TENM1: variants seen among roughly 807,000 people sequenced by gnomAD.
TENM1 encodes the protein teneurin-1.
Under a neutral mutation model 174.8 loss-of-function variants are expected in TENM1, and 35 were observed. That is an observed-to-expected ratio of 0.20 (90% CI 0.15 to 0.27). The LOEUF is 0.27. TENM1 is among the 10% of genes least tolerant of loss of function. The pLI is 1.00. For synonymous variants in TENM1, 781 were observed against 798.7 expected (o/e 0.98, Z 0.37); for missense variants, 1,633 against 2,130.1 (o/e 0.77, Z 4.59).
At chrX:125,136,468 A>G in the TENM1 span, among the ~76,000 whole-genome samples, 1 of 112,118 alleles carries the variant, frequency 8.9e-6, no homozygotes, top group African/African-American at 3.2e-5. Context: ...TTCATGAAAG[A>G]GGAACCTGAG....
At chrX:125,183,628 C>T in the TENM1 span, among the ~76,000 whole-genome samples, 7 of 111,393 alleles carry the variant, frequency 6.3e-5, 1 homozygote, top group Admixed American at 6.7e-4. Context: ...AGCACAGCAG[C>T]ATCCCAAAGT....
intron 6 of TENM1, among the ~76,000 whole-genome samples, chrX:124,664,679 G>GGGGT (rs776187636): frequency 5.7e-5 from 5 of 86,970 alleles, no homozygotes; most frequent in African/African-American, 2.2e-4. Flanking sequence ...GTACTTGTGG[G>GGGGT]GTGTGTGTGT....
intron 1 of TENM1, among the ~76,000 whole-genome samples, chrX:124,911,386 A>G (rs2057834566): frequency 1.8e-5 from 2 of 111,530 alleles, no homozygotes; most frequent in African/African-American, 6.5e-5. Context: ...CTGACAATCT[A>G]TTGCAGACAT....
chrX:124,543,106 T>C (rs1301222870), intron 15 of TENM1, among the ~76,000 whole-genome samples: 2 of 111,808 alleles, frequency 1.8e-5, no homozygotes, highest in Non-Finnish European at 3.8e-5. Context: ...GTGAGTCAAG[T>C]GAGTGGTGAG....
intron 3 of TENM1, among the ~76,000 whole-genome samples, chrX:124,808,245 TATAAAG>T (rs750297421): frequency 7.1e-5 from 8 of 112,078 alleles, no homozygotes; most frequent in East Asian, 5.6e-4. Context: ...AAGATCATTA[TATAAAG>T]ATAAAGGGGT....
At chrX:125,090,701 T>C in the TENM1 span, among the ~76,000 whole-genome samples, 1 of 111,169 alleles carries the variant, frequency 9.0e-6, no homozygotes, top group African/African-American at 3.3e-5. Flanking sequence ...TAGGACTTAA[T>C]GCTGCCTAGG....
chrX:124,712,987 T>C (rs998945307), intron 4 of TENM1, among the ~76,000 whole-genome samples: 1 of 111,642 alleles, frequency 9.0e-6, no homozygotes, highest in East Asian at 2.8e-4. Context: ...ACATCTCTAC[T>C]AACAACTATA....
At chrX:124,827,503 T>C (rs758468620) in intron 3 of TENM1, among the ~76,000 whole-genome samples, 3 of 112,112 alleles carry the variant, frequency 2.7e-5, no homozygotes, top group Non-Finnish European at 5.6e-5. Context: ...TGAAAATGCC[T>C]TTATTTTGCA....
the TENM1 span, among the ~76,000 whole-genome samples, chrX:125,183,788 A>C: frequency 8.9e-6 from 1 of 112,027 alleles, no homozygotes; most frequent in Non-Finnish European, 1.9e-5. Context: ...GGAAAAATAT[A>C]CTATTACCAA....
intron 1 of TENM1, among the ~76,000 whole-genome samples, chrX:124,948,471 G>A (rs1216290472): frequency 8.9e-6 from 1 of 112,879 alleles, no homozygotes; most frequent in African/African-American, 3.2e-5. Context: ...AAAGATAAAT[G>A]TTAGGAATTT....
chrX:124,981,233 C>T, the TENM1 span, among the ~76,000 whole-genome samples: 7 of 111,447 alleles, frequency 6.3e-5, no homozygotes, highest in African/African-American at 2.3e-4. Flanking sequence ...CAATAGCAGA[C>T]CTTGGGCAAA....
rs59598996 is a variant in TENM1, at chrX:124,640,961, C to CAAAA, written c.2077+826_2077+829dup. On this transcript the variant is annotated intron_variant, in intron 11 of 31. Transcript: ENST00000422452. ...GGGCGACAGAGCGAGAATCCATCTCCAAAAAAAAAAAAAAAAAATCAGGGG... is the reference window on the plus strand; with the variant it reads ...GGGCGACAGAGCGAGAATCCATCTCCAAAAAAAAAAAAAAAAAAAAAATCAGGGG... Among the ~76,000 whole-genome samples, 4 of 57,780 alleles carry CAAAA rather than the reference C, an allele frequency of 6.9e-5. 1 individual carries two copies. In the Admixed American group the frequency reaches 9.0e-4, roughly 13 times the overall value. 50.2% of individuals were successfully genotyped at this position (57,780 alleles called of 115,157 possible).
At chrX:124,823,200 A>T (rs112988378) in intron 3 of TENM1, among the ~76,000 whole-genome samples, 1 of 112,086 alleles carries the variant, frequency 8.9e-6, no homozygotes, top group Non-Finnish European at 1.9e-5. Flanking sequence ...AGACATCTAC[A>T]TGTTATATTT....
chrX:124,445,168 T>C (rs2060952776), intron 23 of TENM1, among the ~76,000 whole-genome samples: 1 of 111,672 alleles, frequency 9.0e-6, no homozygotes, highest in South Asian at 3.7e-4. Context: ...TCATAGAATA[T>C]AGATTAAATT....
chrX:124,788,434 C>T (rs1294362704), intron 3 of TENM1, among the ~76,000 whole-genome samples: 3 of 111,769 alleles, frequency 2.7e-5, no homozygotes, highest in South Asian at 3.8e-4. Flanking sequence ...CAACGCATTT[C>T]GACATTAACT....
intron 3 of TENM1, among the ~76,000 whole-genome samples, chrX:124,776,796 G>A (rs2148631240): frequency 8.9e-6 from 1 of 111,741 alleles, no homozygotes; most frequent in South Asian, 3.7e-4. Context: ...TTTTTTGTGA[G>A]TAGCCTTCCT....
At chrX:124,691,345 G>A (rs1428033574) in intron 5 of TENM1, among the ~76,000 whole-genome samples, 1 of 111,766 alleles carries the variant, frequency 8.9e-6, no homozygotes, top group Non-Finnish European at 1.9e-5. Flanking sequence ...AGAGATATGA[G>A]CACACAGGTA....
intron 14 of TENM1, among the ~76,000 whole-genome samples, chrX:124,557,596 C>T (rs887976157): frequency 7.2e-5 from 8 of 110,467 alleles, no homozygotes; most frequent in Non-Finnish European, 1.3e-4. Context: ...GTCACAGTTC[C>T]GTTTATTTAA....
intron 1 of TENM1, among the ~76,000 whole-genome samples, chrX:124,943,535 C>T (rs1486199467): frequency 8.9e-6 from 1 of 112,075 alleles, no homozygotes; most frequent in African/African-American, 3.2e-5. Flanking sequence ...TTTTATAAAG[C>T]GGTGCTGCTG....
Sources: allele counts gnomAD v4.1 joint callset (sites outside exome capture counted in the v4.1 genomes callset), GRCh38; gene constraint gnomAD v4.1.1; transcripts MANE v1.5; gene names NCBI Gene and HGNC (gene_info 2026-07-23, HGNC 2026-07-21).